GPATCH8: variants seen among roughly 807,000 people sequenced by gnomAD.
The protein encoded by GPATCH8 is G-patch domain containing 8.
Under a neutral mutation model 118.3 loss-of-function variants are expected in GPATCH8, and 18 were observed. The ratio of observed to expected loss-of-function variants is 0.15; its 90% CI spans 0.11 to 0.23. GPATCH8 has a LOEUF of 0.23. Ranked by LOEUF, GPATCH8 falls within the 10% of genes least tolerant of loss-of-function variation. The pLI is 1.00. For missense variants in GPATCH8, 1,631 were observed against 1,873.8 expected (o/e 0.87, Z 2.39); for synonymous variants, 659 against 684.7 (o/e 0.96, Z 0.59).
At chr17:44,446,037 T>C (rs1412466723) in intron 3 of GPATCH8, 1 of 152,072 alleles carries the variant, frequency 6.6e-6, no homozygotes, top group East Asian at 1.9e-4. Context: ...ACTCCTGGGC[T>C]CAAGTGATCC....
intron 5 of GPATCH8, among the ~76,000 whole-genome samples, chr17:44,429,916 C>T (rs532021423): frequency 1.3e-5 from 2 of 152,070 alleles, no homozygotes; most frequent in African/African-American, 4.8e-5. Flanking sequence ...GTAATCCCAG[C>T]TACTTGGGTG....
Position 44,447,125 on chromosome 17 carries a change from C to T in GPATCH8, c.194-10580G>A, listed in dbSNP as rs142822072. Among the ~76,000 whole-genome samples, 419 of 151,226 alleles carry T rather than the reference C, an allele frequency of 2.8e-3. 3 individuals are homozygous for T. Among genetic ancestry groups the T allele is most frequent in the African/African-American group, 5.5e-3 (228 of 41,092 alleles). ...TGCTGGGATTACAGGTGTGATCCACCGCACCTGGCCTCCATTTCATGTTTA... is the reference window on the plus strand; with the variant it reads ...TGCTGGGATTACAGGTGTGATCCACTGCACCTGGCCTCCATTTCATGTTTA... On this transcript the variant is annotated intron_variant, in intron 3 of 7. Coordinates refer to ENST00000591680, the MANE Select transcript of GPATCH8 (RefSeq NM_001002909.4).
In GPATCH8 at chr17:44,395,908, G is replaced by C. The variant is rs535806687; in HGVS notation, c.*1660C>G. The C allele has an allele frequency of 4.6e-5, 21 of 454,202 alleles. No individual in the cohort carries two copies. Among genetic ancestry groups the C allele is most frequent in the African/African-American group, 4.0e-4 (20 of 50,112 alleles). The allele number at this position is 454,202 out of a possible 1,614,324, so 28.1% of individuals were successfully genotyped here. On this transcript the variant is annotated 3_prime_UTR_variant, in exon 8 of 8. Coordinates refer to ENST00000591680, the MANE Select transcript of GPATCH8 (RefSeq NM_001002909.4). Reference sequence around the variant, plus strand: ...GGGTCAGTGTGTTAATTAGGGCTGAGAGCCTGGGTGAAAGGCAAGAAGAGG... The same window carrying C: ...GGGTCAGTGTGTTAATTAGGGCTGACAGCCTGGGTGAAAGGCAAGAAGAGG...
At chr17:44,498,653 T>C (rs1969839204) in intron 1 of GPATCH8, among the ~76,000 whole-genome samples, 1 of 152,224 alleles carries the variant, frequency 6.6e-6, no homozygotes, top group African/African-American at 2.4e-5. Context: ...CTAATCCTTT[T>C]CACTTATCAT....
At position 44,399,836 on chromosome 17, in the gene GPATCH8, C is replaced by A. The variant is rs1043832034; in HGVS notation, c.2241G>T (p.Arg747Ser). 25 of 1,613,662 alleles carry A rather than the reference C, an allele frequency of 1.5e-5. No individual in the cohort carries two copies. Among genetic ancestry groups the A allele is most frequent in the Non-Finnish European group, 2.1e-5 (25 of 1,179,932 alleles). ...GSGSPAPPRR[R>S]RRAQDDSQRR... ...GCTGGGAGTCATCTTGAGCTCTCCGCCTTCTTCTTGGTGGTGCGGGACTGC... is the reference window on the plus strand; with the variant it reads ...GCTGGGAGTCATCTTGAGCTCTCCGACTTCTTCTTGGTGGTGCGGGACTGC... The change falls in exon 8 of 8, where the codon AGG becomes AGT. Residue 747 changes from arginine to serine, a missense_variant. By Grantham distance (110) the Arg-to-Ser change is moderately radical. Around this residue, in one of 8 missense-constraint regions of GPATCH8, gnomAD observed 922 missense variants for 879.7 expected, o/e 1.05. Coordinates refer to ENST00000591680, the MANE Select transcript of GPATCH8 (RefSeq NM_001002909.4).
Position 44,396,022 on chromosome 17 carries a change from A to C in GPATCH8, c.*1546T>G, listed in dbSNP as rs1289746891. On this transcript the variant is annotated 3_prime_UTR_variant, in exon 8 of 8. Coordinates refer to ENST00000591680, the MANE Select transcript of GPATCH8 (RefSeq NM_001002909.4). ...GTTTACTGTCTAAACTGAGCTGGGC[A>C]GAGGGCATGGAAACTATGAAGCAAA... is the stretch of plus-strand genomic sequence containing the variant. 6 of 454,596 alleles carry C rather than the reference A, an allele frequency of 1.3e-5. No individual in the cohort carries two copies. Among genetic ancestry groups the C allele is most frequent in the Non-Finnish European group, 2.6e-5 (6 of 226,802 alleles). The allele number at this position is 454,596 out of a possible 1,614,324, so 28.2% of individuals were successfully genotyped here. A position where few individuals can be genotyped will look rare whatever the true frequency, so the allele number is the denominator to read the frequency against.
intron 7 of GPATCH8, among the ~76,000 whole-genome samples, chr17:44,403,568 A>C (rs573531478): frequency 6.6e-6 from 1 of 152,192 alleles, no homozygotes; most frequent in East Asian, 1.9e-4. Context: ...TATACCCTTA[A>C]ATTCCAAATC....
intron 1 of GPATCH8, among the ~76,000 whole-genome samples, chr17:44,476,156 GACT>G (rs1315961132): frequency 3.9e-5 from 6 of 151,916 alleles, no homozygotes; most frequent in African/African-American, 1.4e-4. Context: ...CTTTTAGACT[GACT>G]ACATTAGGAA....
chr17:44,470,478 G>A (rs1967189820), intron 2 of GPATCH8, among the ~76,000 whole-genome samples: 2 of 141,552 alleles, frequency 1.4e-5, no homozygotes, highest in South Asian at 4.5e-4. Flanking sequence ...ATAGGTGTGA[G>A]CCACTGCACC....
Position 44,400,354 on chromosome 17 carries a change from C to A in GPATCH8, c.1723G>T (p.Asp575Tyr). 2 of 1,614,026 alleles carry A rather than the reference C, an allele frequency of 1.2e-6. No homozygotes were observed. The highest frequency in any genetic ancestry group is 2.2e-5 in the South Asian group (2 of 91,058). ...TCTTTGTTCCTTGAAAGTTTAAAGT[C>A]AAAATATAAAGGGTTACAACTGTAT... ...ISYSCNPLYF[D>Y]FKLSRNKDAR... is the part of the protein sequence containing the mutation. Residue 575 changes from aspartate (D) to tyrosine (Y), a missense_variant, in exon 8 of 8, where the codon GAC becomes TAC. Asp to Tyr is a radical substitution (Grantham distance 160). Around this residue, in one of 8 missense-constraint regions of GPATCH8, gnomAD observed 405 missense variants for 462.7 expected, o/e 0.88. Transcript: ENST00000591680.
chr17:44,418,431 G>C (rs2049768369), intron 6 of GPATCH8, among the ~76,000 whole-genome samples: 1 of 151,882 alleles, frequency 6.6e-6, no homozygotes, highest in Non-Finnish European at 1.5e-5. Context: ...AGCCAACAAA[G>C]GTAGGAGATG....
rs2048928266 is a variant in GPATCH8, at chr17:44,399,579, G to A, written c.2498C>T (p.Pro833Leu). ...ASSHRLHQKSPSQYSEEEEEE... is the reference protein window; with the variant it reads ...ASSHRLHQKSLSQYSEEEEEE... Reference sequence around the variant, plus strand: ...TTCTTCTTCCTCACTGTACTGGGATGGAGACTTCTGGTGCAGCCGGTGTGA... The same window carrying A: ...TTCTTCTTCCTCACTGTACTGGGATAGAGACTTCTGGTGCAGCCGGTGTGA... Residue 833 changes from proline to leucine, a missense_variant, in exon 8 of 8, where the codon CCA (proline) becomes CTA (leucine). This residue lies in a region of GPATCH8 where 922 missense variants were observed against 879.7 expected (regional missense o/e 1.05). Transcript: ENST00000591680. 1 of 1,614,170 alleles carries A rather than the reference G, an allele frequency of 6.2e-7. No individual in the cohort carries two copies. The highest frequency in any genetic ancestry group is 8.5e-7 in the Non-Finnish European group (1 of 1,180,008).
In GPATCH8 at chr17:44,400,296, T is replaced by A; in HGVS notation, c.1781A>T (p.Asp594Val). Residue 594 changes from aspartate (D) to valine (V), a missense_variant, in exon 8 of 8, where the codon GAT becomes GTT. Transcript: ENST00000591680. The stretch of plus-strand genomic sequence containing the variant: ...ATGGTCCTTTGAGGAGCTTCCTATA[T>A]CCTTTGGTTTTTCTGTTCCTTTAGT... ...ARTKGTEKPK[D>V]IGSSSKDHLQ... 6.2e-7 allele frequency: 1 copy of A among 1,614,142 alleles called. No individual in the cohort carries two copies. The highest frequency in any genetic ancestry group is 8.5e-7 in the Non-Finnish European group (1 of 1,179,992).
In GPATCH8 at chr17:44,447,101, G is replaced by A. The variant is rs192216379; in HGVS notation, c.194-10556C>T. Among the ~76,000 whole-genome samples the A allele has an allele frequency of 9.1e-3, 1,375 of 151,742 alleles. 14 individuals carry two copies. Among genetic ancestry groups the A allele is most frequent in the South Asian group, 0.014 (68 of 4,792 alleles). ...TCTGCCCGCCTTGGCCTCCCAAAGT[G>A]CTGGGATTACAGGTGTGATCCACCG... On this transcript the variant is annotated intron_variant, in intron 3 of 7. Coordinates refer to ENST00000591680, the MANE Select transcript of GPATCH8 (RefSeq NM_001002909.4).
Position 44,399,749 on chromosome 17 carries a change from G to C in GPATCH8, c.2328C>G (p.Ser776Arg), listed in dbSNP as rs377353100. The C allele has an allele frequency of 6.2e-7, 1 of 1,613,786 alleles. No homozygotes were observed. The highest frequency in any genetic ancestry group is 8.5e-7 in the Non-Finnish European group (1 of 1,179,968). Residue 776 changes from serine (S) to arginine (R), a missense_variant, in exon 8 of 8, where the codon AGC becomes AGG. Physicochemically the swap from Ser to Arg is moderately radical, Grantham distance 110. This residue lies in a region of GPATCH8 where 922 missense variants were observed against 879.7 expected (regional missense o/e 1.05). Transcript: ENST00000591680. The part of the protein sequence containing the change: ...SGKKDEGGGG[S>R]SSQDHGGRKH... Reference sequence around the variant, plus strand: ...TCCTCCCACCATGGTCTTGGGAGCTGCTACCACCCCCACCTTCATCCTTTT... The same window carrying C: ...TCCTCCCACCATGGTCTTGGGAGCTCCTACCACCCCCACCTTCATCCTTTT...
rs771909711 is a variant in GPATCH8 at position 44,401,240 on chromosome 17, G to A, written c.837C>T (p.Ala279=). 7 of 1,613,760 alleles carry A rather than the reference G, an allele frequency of 4.3e-6. No individual in the cohort carries two copies. Among genetic ancestry groups the A allele is most frequent in the South Asian group, 1.1e-5 (1 of 91,064 alleles). The change falls in exon 8 of 8, where the codon GCC becomes GCT. Residue 279 remains alanine (A), a synonymous_variant. Coordinates refer to ENST00000591680, the MANE Select transcript of GPATCH8 (RefSeq NM_001002909.4). ...TAATGCCAAAGCTGATGCCTTGGGAGGCTAACCCAGGAGCCTGGGCCAGTC... is the reference window on the plus strand; with the variant it reads ...TAATGCCAAAGCTGATGCCTTGGGAAGCTAACCCAGGAGCCTGGGCCAGTC... ...TTGLAQAPGL[A]SQGISFGIKN...
chr17:44,453,491 GTA>G (rs1363401226), intron 3 of GPATCH8, among the ~76,000 whole-genome samples: 138 of 126,922 alleles, frequency 1.1e-3, no homozygotes, highest in African/African-American at 3.4e-3. Context: ...AGGTAGGTAG[GTA>G]GGTAGGGGTG....
intron 2 of GPATCH8, among the ~76,000 whole-genome samples, chr17:44,470,159 G>T (rs779922386): frequency 2.6e-5 from 4 of 152,198 alleles, no homozygotes; most frequent in Non-Finnish European, 1.5e-5. Context: ...TTAAGTCTAT[G>T]ATGCATGCAT....
chr17:44,445,561 A>G (rs1363770271), intron 3 of GPATCH8, among the ~76,000 whole-genome samples: 1 of 151,588 alleles, frequency 6.6e-6, no homozygotes, highest in Non-Finnish European at 1.5e-5. Context: ...GCTGGAGTGC[A>G]ACAGCGCGAT....
Sources: gnomAD v4.1 joint callset for allele counts (sites outside exome capture counted in the v4.1 genomes callset) on GRCh38, gnomAD v4.1.1 for gene constraint, gnomAD v4.1.1 regional missense constraint, MANE v1.5 for transcripts, NCBI Gene and HGNC (gene_info 2026-07-23, HGNC 2026-07-21) for gene names.